FAM222B: variants seen among roughly 807,000 people sequenced by gnomAD.
The protein encoded by FAM222B is family with sequence similarity 222 member B, also known as protein FAM222B.
A neutral mutation model predicts 38.0 loss-of-function variants in FAM222B; 12 were observed. The ratio of observed to expected loss-of-function variants is 0.32; its 90% CI spans 0.20 to 0.51. The LOEUF is 0.51. FAM222B is among the 20% of genes least tolerant of loss of function. FAM222B has a pLI of 0.97. For synonymous variants in FAM222B, 329 were observed against 317.2 expected, an observed-to-expected ratio of 1.04 and a Z score of -0.40; for missense variants, 716 against 754.2, an observed-to-expected ratio of 0.95 and a Z score of 0.59.
intron 1 of FAM222B, among the ~76,000 whole-genome samples, chr17:28,839,163 C>T (rs1029475184): frequency 1.3e-5 from 2 of 152,018 alleles, no homozygotes; most frequent in East Asian, 1.9e-4. Flanking sequence ...GCCGAGATCG[C>T]GCCACTGCAA....
intron 1 of FAM222B, among the ~76,000 whole-genome samples, chr17:28,813,042 A>AGGGGGGGGGGGGGGGGGGG (rs1555582938): frequency 9.3e-5 from 1 of 10,732 alleles, no homozygotes; most frequent in African/African-American, 5.4e-4. Flanking sequence ...GGGGGGGGGG[A>AGGGGGGGGGGGGGGGGGGG]GGGGGGGGCG....
chr17:28,760,174 G>T (rs2035003398), intron 2 of FAM222B, among the ~76,000 whole-genome samples: 1 of 152,202 alleles, frequency 6.6e-6, no homozygotes, highest in Non-Finnish European at 1.5e-5. Flanking sequence ...TATAAATGAG[G>T]TAAGTAGAGA....
chr17:28,765,780 TAG>T (rs564595208), intron 2 of FAM222B, among the ~76,000 whole-genome samples: 19 of 152,270 alleles, frequency 1.2e-4, no homozygotes, highest in African/African-American at 4.6e-4. Context: ...GGAAGTGTAT[TAG>T]CAGGAAAATG....
chr17:28,773,690 C>T (rs1046984520), intron 1 of FAM222B, among the ~76,000 whole-genome samples: 1 of 151,586 alleles, frequency 6.6e-6, no homozygotes, highest in African/African-American at 2.4e-5. Context: ...CCCAGCTACT[C>T]GAGAGGCTGA....
chr17:28,845,999 C>T (rs1271748422), upstream of FAM222B, among the ~76,000 whole-genome samples: 4 of 150,878 alleles, frequency 2.7e-5, no homozygotes, highest in Admixed American at 2.0e-4. Flanking sequence ...GTCAGGAGAT[C>T]GAGACCATCC....
intron 1 of FAM222B, among the ~76,000 whole-genome samples, chr17:28,804,481 C>T (rs563827379): frequency 9.1e-4 from 139 of 152,062 alleles, no homozygotes; most frequent in Admixed American, 3.3e-3. Context: ...ACTACAGGCA[C>T]GCGCCACCAC....
intron 1 of FAM222B, among the ~76,000 whole-genome samples, chr17:28,773,749 G>A (rs7212348): frequency 0.19 from 28,677 of 151,076 alleles, 2,847 homozygotes; most frequent in South Asian, 0.3. Flanking sequence ...AGTGAGCCGA[G>A]ATCATGCCAC....
chr17:28,815,672 C>G (rs1407958894), intron 1 of FAM222B, among the ~76,000 whole-genome samples: 1 of 151,592 alleles, frequency 6.6e-6, no homozygotes, highest in Non-Finnish European at 1.5e-5. Context: ...ACAAAAAATA[C>G]AAAAATTAGC....
At chr17:28,813,761 C>T (rs2037907646) in intron 1 of FAM222B, among the ~76,000 whole-genome samples, 2 of 150,638 alleles carry the variant, frequency 1.3e-5, no homozygotes, top group Non-Finnish European at 3.0e-5. Flanking sequence ...TTAGCCAGGA[C>T]GGTCTCGATC....
intron 1 of FAM222B, among the ~76,000 whole-genome samples, chr17:28,833,186 G>T (rs1042515150): frequency 2.6e-5 from 4 of 151,872 alleles, no homozygotes; most frequent in Non-Finnish European, 5.9e-5. Context: ...GCACGCGCCT[G>T]TAGTCCCAGC....
At chr17:28,788,604 A>G (rs1336444693) in intron 1 of FAM222B, among the ~76,000 whole-genome samples, 1 of 152,178 alleles carries the variant, frequency 6.6e-6, no homozygotes. Flanking sequence ...CTTATACTAC[A>G]TATTAAGTCC....
chr17:28,843,700 G>A (rs569563159), upstream of FAM222B, among the ~76,000 whole-genome samples: 20 of 152,002 alleles, frequency 1.3e-4, no homozygotes, highest in East Asian at 3.7e-3. Context: ...CGCCCGCCCC[G>A]GCCTCCCAAA....
upstream of FAM222B, among the ~76,000 whole-genome samples, chr17:28,845,200 G>C (rs2039136712): frequency 2.0e-5 from 3 of 151,650 alleles, 1 homozygote; most frequent in African/African-American, 4.9e-5. Flanking sequence ...AGGAAATCGA[G>C]ACCATCCTGG....
chr17:28,789,303 ACT>A (rs1321322926), intron 1 of FAM222B, among the ~76,000 whole-genome samples: 2 of 150,082 alleles, frequency 1.3e-5, no homozygotes, highest in African/African-American at 2.5e-5. Context: ...GGTTCAAGCA[ACT>A]CTCTGTCTCA....
chr17:28,851,324 G>A (rs868146314), intron 1 of FAM222B, among the ~76,000 whole-genome samples: 17 of 151,712 alleles, frequency 1.1e-4, no homozygotes, highest in African/African-American at 4.1e-4. Context: ...CCTGAGGTCA[G>A]GAGTTCGAGA....
chr17:28,818,799 T>C (rs2038118364), intron 1 of FAM222B, among the ~76,000 whole-genome samples: 1 of 152,068 alleles, frequency 6.6e-6, no homozygotes, highest in Non-Finnish European at 1.5e-5. Flanking sequence ...GGGTAGCACA[T>C]GGTAGAAAAA....
intron 1 of FAM222B, among the ~76,000 whole-genome samples, chr17:28,811,290 A>C (rs1211209338): frequency 6.6e-6 from 1 of 152,082 alleles, no homozygotes; most frequent in East Asian, 1.9e-4. Flanking sequence ...AATACAAAAA[A>C]TTAGCCAGGT....
chr17:28,837,440 A>T (rs12450826), intron 1 of FAM222B, among the ~76,000 whole-genome samples: 43,921 of 151,030 alleles, frequency 0.29, 6,552 homozygotes, highest in Middle Eastern at 0.37. Context: ...AAAAAAAAAA[A>T]AAATAAATAA....
chr17:28,782,033 A>G (rs2151842562), intron 1 of FAM222B, among the ~76,000 whole-genome samples: 1 of 152,336 alleles, frequency 6.6e-6, no homozygotes, highest in African/African-American at 2.4e-5. Flanking sequence ...CATAAGATCA[A>G]AATATCGAGG....
Sources: gnomAD v4.1 joint callset for allele counts (sites outside exome capture counted in the v4.1 genomes callset) on GRCh38, gnomAD v4.1.1 for gene constraint, MANE v1.5 for transcripts, NCBI Gene and HGNC (gene_info 2026-07-23, HGNC 2026-07-21) for gene names.